The following NDRG3 variants were observed in gnomAD, a reference collection of about 807,000 sequenced individuals.
The protein encoded by NDRG3 is NDRG family member 3, also known as protein NDRG3.
A neutral mutation model predicts 57.2 loss-of-function variants in NDRG3; 23 were observed. That is an observed-to-expected ratio of 0.40 (90% CI 0.29 to 0.57). The LOEUF (loss-of-function observed/expected upper bound fraction) is 0.57, where lower values mean the gene tolerates loss of function less well. NDRG3 is among the 20% of genes least tolerant of loss of function. The pLI is 0.42. For synonymous variants in NDRG3, 132 were observed against 162.6 expected, an observed-to-expected ratio of 0.81 and a Z score of 1.43; for missense variants, 384 against 457.3, an observed-to-expected ratio of 0.84 and a Z score of 1.46.
intron 1 of NDRG3, among the ~76,000 whole-genome samples, chr20:36,743,631 G>A (rs866128914): frequency 1.3e-5 from 2 of 151,796 alleles, no homozygotes; most frequent in Admixed American, 6.6e-5. Context: ...TGGCTAACAC[G>A]GTGAAACCCT....
Position 36,666,275 on chromosome 20 carries a change from G to T in NDRG3, c.692+14C>A, listed in dbSNP as rs1227756131. 6.3e-7 allele frequency: 1 copy of T among 1,594,730 alleles called. No individual in the cohort carries two copies. Among genetic ancestry groups the T allele is most frequent in the Non-Finnish European group, 8.6e-7 (1 of 1,162,468 alleles). Reference sequence around the variant, plus strand: ...CTGTTTACATTTAAGTGAAGAAACAGGAAAAAACTATACCCATTGTAGGAA... The same window carrying T: ...CTGTTTACATTTAAGTGAAGAAACATGAAAAAACTATACCCATTGTAGGAA... On this transcript the variant is annotated intron_variant, in intron 10 of 15. Coordinates refer to ENST00000349004, the MANE Select transcript of NDRG3 (RefSeq NM_032013.4).
chr20:36,701,196 T>A (rs757241782), intron 3 of NDRG3, among the ~76,000 whole-genome samples: 5 of 152,152 alleles, frequency 3.3e-5, no homozygotes, highest in Non-Finnish European at 5.9e-5. Context: ...TACTTCTCTA[T>A]TCTGGACTGT....
chr20:36,654,169 GGGA>G (rs1443653153), intron 15 of NDRG3, among the ~76,000 whole-genome samples: 1 of 152,224 alleles, frequency 6.6e-6, no homozygotes. Context: ...CTTGCTACCA[GGGA>G]GGAGATTTGT....
chr20:36,725,276 G>A (rs1424852201), intron 1 of NDRG3, among the ~76,000 whole-genome samples: 1 of 151,086 alleles, frequency 6.6e-6, no homozygotes, highest in African/African-American at 2.4e-5. Flanking sequence ...CAGCCTGGGC[G>A]ACAGAGTGAG....
intron 8 of NDRG3, among the ~76,000 whole-genome samples, chr20:36,673,132 G>A (rs564299754): frequency 1.3e-5 from 2 of 152,090 alleles, no homozygotes; most frequent in East Asian, 3.9e-4. Flanking sequence ...CCAAAGTGCT[G>A]GGATTACCAA....
intron 1 of NDRG3, among the ~76,000 whole-genome samples, chr20:36,733,170 AAATATATATATAT>A (rs1262008426): frequency 3.3e-5 from 1 of 30,062 alleles, no homozygotes; most frequent in Non-Finnish European, 7.1e-5. Context: ...AAAAAAAAAA[AAATATATATATAT>A]ATATATATAT....
In NDRG3 at chr20:36,664,896, C is replaced by T. The variant is rs1051143155; in HGVS notation, c.810+150G>A. 5.3e-5 allele frequency: 42 copies of T among 785,888 alleles called. No individual in the cohort carries two copies. In the African/African-American group the frequency reaches 6.9e-4, roughly 13 times the overall value. 48.7% of individuals were successfully genotyped at this position (785,888 alleles called of 1,614,324 possible). A position where few individuals can be genotyped will look rare whatever the true frequency, so the allele number is the denominator to read the frequency against. ...TAGAGTTAGGGTCCCACTGTGTTGC[C>T]CAGGCTGGTCTCAAACTCCTGGGCT... On this transcript the variant is annotated intron_variant, in intron 12 of 15. Transcript: ENST00000349004.
intron 3 of NDRG3, among the ~76,000 whole-genome samples, chr20:36,706,476 T>C (rs1206175622): frequency 2.0e-5 from 3 of 152,066 alleles, no homozygotes; most frequent in Admixed American, 6.6e-5. Context: ...GCAGGCAATT[T>C]CTGAACACGA....
At position 36,665,313 on chromosome 20, in the gene NDRG3, A is replaced by C. The variant is rs113477642; in HGVS notation, c.693-12T>G. On this transcript the variant is annotated splice_polypyrimidine_tract_variant and intron_variant, in intron 10 of 15. Transcript: ENST00000349004. ...CCAGGTCTCTGCGTCTAGAAAAACA[A>C]AGCAGAAGCAATGCCCTTTTTGGGT... The C allele has an allele frequency of 8.2e-4, 1,323 of 1,613,904 alleles. 8 individuals carry two copies. In the African/African-American group the frequency reaches 0.015, roughly 18 times the overall value.
At chr20:36,719,145 G>A (rs1198766163) in intron 2 of NDRG3, among the ~76,000 whole-genome samples, 1 of 152,108 alleles carries the variant, frequency 6.6e-6, no homozygotes, top group Non-Finnish European at 1.5e-5. Context: ...AAAGCGTGCA[G>A]TGGCCGGGCG....
chr20:36,714,404 C>CAA (rs1187671006), intron 2 of NDRG3, among the ~76,000 whole-genome samples: 3 of 63,960 alleles, frequency 4.7e-5, no homozygotes, highest in African/African-American at 1.5e-4. Context: ...GACTCCAACT[C>CAA]AAAAAAAAAA....
At chr20:36,681,045 G>T in intron 7 of NDRG3, 143 bp from the exon 8 acceptor site, 1 of 628,716 alleles carries the variant, frequency 1.6e-6, no homozygotes, top group Non-Finnish European at 2.7e-6. Context: ...GAGAACATGT[G>T]GAAAAATAGC....
At chr20:36,709,174 T>C (rs1372292230) in intron 2 of NDRG3, among the ~76,000 whole-genome samples, 2 of 152,208 alleles carry the variant, frequency 1.3e-5, no homozygotes, top group Admixed American at 6.6e-5. Flanking sequence ...GTTAGCCATA[T>C]GTACAATTTA....
chr20:36,688,909 T>C (rs1345079917), intron 3 of NDRG3, 125 bp from the exon 4 acceptor site: 11 of 714,802 alleles, frequency 1.5e-5, no homozygotes. Context: ...ATAAATTACA[T>C]GTGGCTGGGC....
chr20:36,706,743 T>C (rs1280689067), intron 3 of NDRG3, among the ~76,000 whole-genome samples: 1 of 152,220 alleles, frequency 6.6e-6, no homozygotes, highest in African/African-American at 2.4e-5. Context: ...CCTCAAGTGA[T>C]CTGTCTGCCT....
chr20:36,739,991 T>C (rs998402974), intron 1 of NDRG3, among the ~76,000 whole-genome samples: 8 of 151,136 alleles, frequency 5.3e-5, no homozygotes, highest in African/African-American at 2.0e-4. Flanking sequence ...AAAGAGTGGC[T>C]ATATCCAGAA....
intron 6 of NDRG3, among the ~76,000 whole-genome samples, chr20:36,682,844 G>C (rs911826315): frequency 6.6e-6 from 1 of 152,088 alleles, no homozygotes; most frequent in African/African-American, 2.4e-5. Flanking sequence ...GAGGTCGGCG[G>C]ATCACGAGGT....
chr20:36,715,000 GTGTGTGTATATA>G (rs1349862958), intron 2 of NDRG3, among the ~76,000 whole-genome samples: 1,421 of 56,108 alleles, frequency 0.025, 21 homozygotes, highest in Non-Finnish European at 0.035. Context: ...GTGTGTGTGT[GTGTGTGTATATA>G]TATATATATA....
At chr20:36,726,395 C>T (rs918273980) in intron 1 of NDRG3, among the ~76,000 whole-genome samples, 2 of 152,200 alleles carry the variant, frequency 1.3e-5, no homozygotes, top group African/African-American at 4.8e-5. Context: ...GATTTGGCAA[C>T]TTGGCAGTAG....
Sources: allele counts gnomAD v4.1 joint callset (sites outside exome capture counted in the v4.1 genomes callset), GRCh38; gene constraint gnomAD v4.1.1; transcripts MANE v1.5; gene names NCBI Gene and HGNC (gene_info 2026-07-23, HGNC 2026-07-21).